Variants in PRKD1 observed in about 807,000 individuals in gnomAD.
The protein encoded by PRKD1 is serine/threonine-protein kinase D1.
Under a neutral mutation model 95.9 loss-of-function variants are expected in PRKD1, and 63 were observed. The ratio of observed to expected loss-of-function variants is 0.66; its 90% CI spans 0.54 to 0.81. The LOEUF (loss-of-function observed/expected upper bound fraction) is 0.81, where lower values mean the gene tolerates loss of function less well. PRKD1 is among the 30% of genes least tolerant of loss of function. PRKD1 has a pLI of 0.00. For synonymous variants in PRKD1, 425 were observed against 423.1 expected, an observed-to-expected ratio of 1.00 and a Z score of -0.05; for missense variants, 1,048 against 1,165.3, an observed-to-expected ratio of 0.90 and a Z score of 1.47.
At chr14:29,803,562 G>A (rs1481515536) in intron 1 of PRKD1, among the ~76,000 whole-genome samples, 1 of 152,086 alleles carries the variant, frequency 6.6e-6, no homozygotes, top group Non-Finnish European at 1.5e-5. Context: ...AATAATCCAA[G>A]CTGGAAACAC....
intron 2 of PRKD1, among the ~76,000 whole-genome samples, chr14:29,691,916 G>C (rs1052522368): frequency 6.6e-6 from 1 of 152,136 alleles, no homozygotes; most frequent in African/African-American, 2.4e-5. Flanking sequence ...AAAAAAAGGA[G>C]GTTTTCCCCT....
intron 1 of PRKD1, among the ~76,000 whole-genome samples, chr14:29,874,768 A>G (rs1594594341): frequency 1.3e-5 from 2 of 152,182 alleles, no homozygotes; most frequent in Admixed American, 1.3e-4. Flanking sequence ...GTTCTCACTC[A>G]TAAGAGTTTT....
chr14:29,909,892 G>C (rs1894642003), intron 1 of PRKD1, among the ~76,000 whole-genome samples: 1 of 152,180 alleles, frequency 6.6e-6, no homozygotes, highest in African/African-American at 2.4e-5. Flanking sequence ...TGGGGACTGG[G>C]AGAACTTTTG....
intron 13 of PRKD1, among the ~76,000 whole-genome samples, chr14:29,616,668 C>T (rs772655082): frequency 6.6e-5 from 10 of 152,194 alleles, no homozygotes; most frequent in African/African-American, 1.9e-4. Context: ...AAAACAAACA[C>T]GGGTCTTACT....
intron 1 of PRKD1, among the ~76,000 whole-genome samples, chr14:29,839,737 T>C (rs1257510989): frequency 6.6e-6 from 1 of 151,984 alleles, no homozygotes. Flanking sequence ...TAGACTTCTG[T>C]GCACTCCCAG....
intron 1 of PRKD1, among the ~76,000 whole-genome samples, chr14:29,742,724 C>T (rs1394951147): frequency 6.6e-6 from 1 of 152,088 alleles, no homozygotes; most frequent in African/African-American, 2.4e-5. Context: ...ATAAAATAAT[C>T]GCTTTCATTT....
At chr14:29,818,682 A>T (rs1379411661) in intron 1 of PRKD1, among the ~76,000 whole-genome samples, 1 of 151,888 alleles carries the variant, frequency 6.6e-6, no homozygotes, top group South Asian at 2.1e-4. Flanking sequence ...TTCAATATCA[A>T]TGGAAAGTCA....
intron 1 of PRKD1, among the ~76,000 whole-genome samples, chr14:29,742,657 G>T (rs2139437004): frequency 6.6e-6 from 1 of 152,210 alleles, no homozygotes; most frequent in East Asian, 1.9e-4. Context: ...CATGTTCTTT[G>T]CTTTAGGATA....
At chr14:29,867,401 A>C (rs957483066) in intron 1 of PRKD1, among the ~76,000 whole-genome samples, 2 of 152,206 alleles carry the variant, frequency 1.3e-5, no homozygotes, top group Non-Finnish European at 2.9e-5. Context: ...ATATCCTAGC[A>C]AGAGGAACAG....
Position 29,597,597 on chromosome 14 carries a change from G to T in PRKD1, c.2328C>A (p.Ser776Arg). The T allele has an allele frequency of 6.2e-7, 1 of 1,614,002 alleles. No individual in the cohort carries two copies. ...CATTAAATGGGAATGTGCCGCTTAG[G>T]CTTACATAGATGATGACCCCAACAG... ...MWSVGVIIYVSLSGTFPFNED... is the reference protein window; with the variant it reads ...MWSVGVIIYVRLSGTFPFNED... The change falls in exon 16 of 18, where the codon AGC (serine) becomes AGA (arginine). Residue 776 changes from serine to arginine, a missense_variant. Physicochemically the swap from Ser to Arg is moderately radical, Grantham distance 110 (BLOSUM62 -1). This residue lies in a region of PRKD1 where 739 missense variants were observed against 861.9 expected (regional missense o/e 0.86). Coordinates refer to ENST00000331968, the MANE Select transcript of PRKD1 (RefSeq NM_002742.3).
chr14:29,600,611 G>A (rs1233850488), intron 13 of PRKD1, among the ~76,000 whole-genome samples: 1 of 152,112 alleles, frequency 6.6e-6, no homozygotes, highest in Admixed American at 6.5e-5. Context: ...TTTCCTAGAG[G>A]GAAGTTCTGC....
At chr14:29,919,646 G>C (rs1055953705) in intron 1 of PRKD1, among the ~76,000 whole-genome samples, 18 of 152,096 alleles carry the variant, frequency 1.2e-4, no homozygotes, top group African/African-American at 4.1e-4. Flanking sequence ...CATTTTCTTT[G>C]TATCTAAATT....
rs200746164 is a variant in PRKD1 at position 29,809,658 on chromosome 14, C to T, written c.265-83984G>A. 4.6e-5 allele frequency among the ~76,000 whole-genome samples: 7 copies of T among 152,208 alleles called. No homozygotes were observed. The East Asian group carries it at 5.8e-4, about 13-fold the overall frequency. ...GCTTCCTCACCTCTCTCAGCATTCA[C>T]AGAATTAAAGAGAGTTAGGACCTTA... On this transcript the variant is annotated intron_variant, in intron 1 of 17. Coordinates refer to ENST00000331968, the MANE Select transcript of PRKD1 (RefSeq NM_002742.3).
intron 4 of PRKD1, chr14:29,656,396 T>G (rs1389913200): frequency 2.4e-5 from 33 of 1,360,636 alleles, no homozygotes; most frequent in Non-Finnish European, 3.3e-5. Flanking sequence ...GTACAGACAA[T>G]TGTCTGATGT....
At chr14:29,890,198 T>C (rs1893891699) in intron 1 of PRKD1, among the ~76,000 whole-genome samples, 1 of 152,224 alleles carries the variant, frequency 6.6e-6, no homozygotes, top group Non-Finnish European at 1.5e-5. Flanking sequence ...GAACTGCTAG[T>C]TTCTGGCATG....
intron 1 of PRKD1, among the ~76,000 whole-genome samples, chr14:29,888,961 C>A (rs570069167): frequency 2.0e-5 from 3 of 152,262 alleles, no homozygotes; most frequent in Non-Finnish European, 2.9e-5. Flanking sequence ...TTACAGTCAC[C>A]CGAACCTTTC....
chr14:29,899,389 G>A (rs942309113), intron 1 of PRKD1, among the ~76,000 whole-genome samples: 4 of 152,168 alleles, frequency 2.6e-5, no homozygotes, highest in Non-Finnish European at 4.4e-5. Context: ...GCTCACACCT[G>A]TAATCTCAGC....
chr14:29,871,436 G>C (rs113145540), intron 1 of PRKD1, among the ~76,000 whole-genome samples: 20 of 152,276 alleles, frequency 1.3e-4, no homozygotes, highest in African/African-American at 4.6e-4. Flanking sequence ...CAAAATGAGA[G>C]GCAGGAGAGT....
intron 1 of PRKD1, among the ~76,000 whole-genome samples, chr14:29,747,818 A>C (rs1887297912): frequency 6.6e-6 from 1 of 152,132 alleles, no homozygotes; most frequent in African/African-American, 2.4e-5. Flanking sequence ...ATCTTGGCTT[A>C]CTGCAACCTC....
Sources: gnomAD v4.1 joint callset for allele counts (sites outside exome capture counted in the v4.1 genomes callset) on GRCh38, gnomAD v4.1.1 for gene constraint, gnomAD v4.1.1 regional missense constraint, MANE v1.5 for transcripts, NCBI Gene and HGNC (gene_info 2026-07-23, HGNC 2026-07-21) for gene names.